The following GLI3 variants were observed in gnomAD, a reference collection of about 807,000 sequenced individuals.
The protein encoded by GLI3 is GLI family zinc finger 3.
Under a neutral mutation model 100.8 loss-of-function variants are expected in GLI3, and 20 were observed. The observed-to-expected ratio is 0.20, with a 90% CI of 0.14 to 0.29. The LOEUF is 0.29. Among genes scored for constraint, GLI3 ranks in the 10% least tolerant of loss-of-function variants. GLI3 has a pLI of 1.00. For synonymous variants in GLI3, 938 were observed against 860.5 expected, an observed-to-expected ratio of 1.09 and a Z score of -1.58; for missense variants, 2,040 against 2,128.5, an observed-to-expected ratio of 0.96 and a Z score of 0.82.
At chr7:42,210,147 C>A (rs1788237821) in intron 2 of GLI3, among the ~76,000 whole-genome samples, 2 of 152,012 alleles carry the variant, frequency 1.3e-5, no homozygotes, top group South Asian at 4.1e-4. Context: ...GAACATGGTT[C>A]ATTTCCCTTA....
intron 2 of GLI3, among the ~76,000 whole-genome samples, chr7:42,177,585 T>C (rs1040521465): frequency 1.1e-4 from 16 of 152,198 alleles, no homozygotes; most frequent in Non-Finnish European, 7.3e-5. Context: ...TACATTTCTA[T>C]GGCTTAAAAA....
intron 3 of GLI3, chr7:42,113,644 C>T: frequency 2.3e-6 from 2 of 879,730 alleles, no homozygotes; most frequent in South Asian, 2.6e-5. Flanking sequence ...TTTTTGATAA[C>T]TGTGTACTTC....
intron 2 of GLI3, among the ~76,000 whole-genome samples, chr7:42,160,660 G>A (rs1461927711): frequency 6.6e-6 from 1 of 152,130 alleles, no homozygotes; most frequent in East Asian, 1.9e-4. Flanking sequence ...AATGTCTAAT[G>A]TTAGGCAAGT....
intron 2 of GLI3, among the ~76,000 whole-genome samples, chr7:42,208,881 A>T (rs1255074555): frequency 1.3e-5 from 2 of 152,140 alleles, no homozygotes; most frequent in African/African-American, 4.8e-5. Context: ...GTGGGTAATG[A>T]ATAATACCAA....
intron 3 of GLI3, among the ~76,000 whole-genome samples, chr7:42,083,186 C>G (rs528868005): frequency 4.6e-5 from 7 of 152,188 alleles, no homozygotes; most frequent in Admixed American, 6.5e-5. Context: ...CCACTCCCTG[C>G]TCAACCCCCA....
intron 10 of GLI3, among the ~76,000 whole-genome samples, chr7:41,989,474 A>C (rs1787924123): frequency 6.6e-6 from 1 of 152,168 alleles, no homozygotes; most frequent in Non-Finnish European, 1.5e-5. Context: ...AGTGGCTATA[A>C]ATGCAACCTC....
intron 13 of GLI3, among the ~76,000 whole-genome samples, chr7:41,968,756 GAAAGAAGGAAAGAA>G (rs1787285646): frequency 1.0e-5 from 1 of 96,790 alleles, no homozygotes; most frequent in African/African-American, 3.9e-5. Flanking sequence ...AAGAAAGAAA[GAAAGAAGGAAAGAA>G]AGAAAGAAAG....
At chr7:41,987,310 A>G (rs1787858467) in intron 10 of GLI3, among the ~76,000 whole-genome samples, 1 of 152,000 alleles carries the variant, frequency 6.6e-6, no homozygotes, top group African/African-American at 2.4e-5. Context: ...CTGGGACTAC[A>G]GGCATGCGCC....
chr7:42,201,062 T>A (rs993891567), intron 2 of GLI3, among the ~76,000 whole-genome samples: 2 of 152,180 alleles, frequency 1.3e-5, no homozygotes, highest in Non-Finnish European at 2.9e-5. Flanking sequence ...GAATCCTGTA[T>A]ACACTAAGTT....
At chr7:42,252,894 A>G (rs531982213) in intron 1 of GLI3, among the ~76,000 whole-genome samples, 1 of 152,332 alleles carries the variant, frequency 6.6e-6, no homozygotes, top group African/African-American at 2.4e-5. Flanking sequence ...TCAACCAGAG[A>G]GACAGGTAAT....
chr7:41,987,903 CAT>C (rs1406211580), intron 10 of GLI3, among the ~76,000 whole-genome samples: 3 of 152,174 alleles, frequency 2.0e-5, no homozygotes, highest in Admixed American at 1.3e-4. Flanking sequence ...AAGGAATGCA[CAT>C]GTCGCAGGCT....
chr7:42,031,914 CT>C (rs1789307112), intron 7 of GLI3, among the ~76,000 whole-genome samples: 1 of 152,138 alleles, frequency 6.6e-6, no homozygotes, highest in Non-Finnish European at 1.5e-5. Context: ...AAGTCTGAAT[CT>C]TTAAGAAAGT....
chr7:42,040,949 G>T (rs1287693921), intron 6 of GLI3, among the ~76,000 whole-genome samples: 3 of 151,856 alleles, frequency 2.0e-5, no homozygotes, highest in Non-Finnish European at 4.4e-5. Context: ...TAATGTTCAG[G>T]GTCACCCTCC....
chr7:42,218,040 G>C (rs915068414), intron 2 of GLI3, among the ~76,000 whole-genome samples: 1 of 152,276 alleles, frequency 6.6e-6, no homozygotes, highest in South Asian at 2.1e-4. Flanking sequence ...CTAGTCCTTC[G>C]TGTTGCCAGA....
chr7:41,996,364 T>C (rs1056969289), intron 10 of GLI3, among the ~76,000 whole-genome samples: 3 of 152,216 alleles, frequency 2.0e-5, no homozygotes, highest in African/African-American at 7.2e-5. Context: ...CCCAGTGGTC[T>C]TCACTGAGCA....
At chr7:42,055,608 C>A (rs1784444052) in intron 4 of GLI3, among the ~76,000 whole-genome samples, 2 of 152,132 alleles carry the variant, frequency 1.3e-5, no homozygotes, top group African/African-American at 2.4e-5. Context: ...GTATTAGGGG[C>A]TTTACTATTA....
chr7:42,150,565 G>A (rs148738210), intron 2 of GLI3, among the ~76,000 whole-genome samples: 1 of 152,080 alleles, frequency 6.6e-6, no homozygotes, highest in African/African-American at 2.4e-5. Flanking sequence ...TAGCACTGAG[G>A]TGCAAATTCT....
chr7:41,964,408 G>C lies in GLI3; in HGVS notation c.4665C>G (p.Thr1555=), dbSNP rs1330314895. The change falls in exon 15 of 15, where the codon ACC becomes ACG. Residue 1555 remains threonine, a synonymous_variant. Transcript: ENST00000395925. ...AACTCATGTCCCCGATAGCCATGTTGGTGGTGCTCATGGACAGCGCTGGGA... is the reference window on the plus strand; with the variant it reads ...AACTCATGTCCCCGATAGCCATGTTCGTGGTGCTCATGGACAGCGCTGGGA... ...LPFPALSMST[T]NMAIGDMSSL... The C allele has an allele frequency of 8.1e-6, 13 of 1,613,760 alleles. No homozygotes were observed. The highest frequency in any genetic ancestry group is 1.0e-5 in the Non-Finnish European group (12 of 1,179,750).
chr7:42,231,279 C>T (rs1227040165), intron 1 of GLI3, among the ~76,000 whole-genome samples: 1 of 152,106 alleles, frequency 6.6e-6, no homozygotes, highest in East Asian at 1.9e-4. Context: ...TACTACTTAC[C>T]ATATTTTATC....
Sources: gnomAD v4.1 joint callset for allele counts (sites outside exome capture counted in the v4.1 genomes callset) on GRCh38, gnomAD v4.1.1 for gene constraint, MANE v1.5 for transcripts, NCBI Gene and HGNC (gene_info 2026-07-23, HGNC 2026-07-21) for gene names.